HGF: variants seen among roughly 807,000 people sequenced by gnomAD.
HGF encodes the protein hepatocyte growth factor, also known as fibroblast-derived tumor cytotoxic factor.
In HGF, 39 loss-of-function variants were observed where a neutral mutation model predicts 111.6. The observed-to-expected ratio is 0.35, with a 90% CI of 0.27 to 0.46. The LOEUF is 0.46. Among genes scored for constraint, HGF ranks in the 20% least tolerant of loss-of-function variants. HGF has a pLI of 1.00. For missense variants in HGF, 735 were observed against 910.5 expected (o/e 0.81, Z 2.48); for synonymous variants, 285 against 294.8 (o/e 0.97, Z 0.34).
At position 81,702,736 on chromosome 7, in the gene HGF, C is replaced by G. The variant is rs747463316; in HGVS notation, c.2032G>C (p.Val678Leu). The change falls in exon 18 of 18, where the codon GTT (valine) becomes CTT (leucine). Residue 678 changes from valine to leucine, a missense_variant. Physicochemically the swap from Val to Leu is conservative, Grantham distance 32 (BLOSUM62 1). Transcript: ENST00000222390. ...ATTCTCATTTTATGTTGCTCACAAA[C>G]AAGTGGGCCACCATAATCCCCCTAG... The part of the protein sequence containing the change: ...PCEGDYGGPL[V>L]CEQHKMRMVL... The G allele has an allele frequency of 6.2e-7, 1 of 1,611,290 alleles. No individual in the cohort carries two copies. Among genetic ancestry groups the G allele is most frequent in the South Asian group, 1.1e-5 (1 of 91,016 alleles).
chr7:81,762,760 T>G lies in HGF; in HGVS notation c.201A>C (p.Ala67=), dbSNP rs1054292366. The change falls in exon 2 of 18, where the codon GCA becomes GCC. Residue 67 remains alanine (A), a synonymous_variant. Coordinates refer to ENST00000222390, the MANE Select transcript of HGF (RefSeq NM_000601.6). Reference sequence around the variant, plus strand: ...TAGTACATCTATTAGCACATTGGTCTGCAGTATTCACTTTTTTGGTTTTTA... The same window carrying G: ...TAGTACATCTATTAGCACATTGGTCGGCAGTATTCACTTTTTTGGTTTTTA... ...LKIKTKKVNT[A]DQCANRCTRN... The G allele has an allele frequency of 2.5e-6, 4 of 1,612,798 alleles. No individual in the cohort carries two copies. The highest frequency in any genetic ancestry group is 1.3e-5 in the African/African-American group (1 of 75,038).
chr7:81,720,360 C>A (rs1332795450), intron 10 of HGF, among the ~76,000 whole-genome samples: 4 of 152,114 alleles, frequency 2.6e-5, no homozygotes, highest in Non-Finnish European at 2.9e-5. Context: ...CCATAACATG[C>A]AATATTTCAA....
chr7:81,743,650 TATCCC>T (rs767364466), intron 6 of HGF, among the ~76,000 whole-genome samples, 179 bp from the exon 7 acceptor site: 16 of 152,188 alleles, frequency 1.1e-4, no homozygotes, highest in Non-Finnish European at 2.4e-4. Context: ...CTAATTTATA[TATCCC>T]ACTAAGGACA....
At chr7:81,749,412 G>T (rs1788401503) in intron 5 of HGF, among the ~76,000 whole-genome samples, 1 of 152,008 alleles carries the variant, frequency 6.6e-6, no homozygotes, top group African/African-American at 2.4e-5. Flanking sequence ...TTTGAATCAA[G>T]CACTAATTAT....
At chr7:81,715,105 G>A (rs1789674419) in intron 11 of HGF, among the ~76,000 whole-genome samples, 1 of 152,070 alleles carries the variant, frequency 6.6e-6, no homozygotes, top group Non-Finnish European at 1.5e-5. Context: ...AAATCACAGT[G>A]CCTTGAGATA....
chr7:81,726,739 T>G (rs1790022596), intron 8 of HGF, among the ~76,000 whole-genome samples: 1 of 151,968 alleles, frequency 6.6e-6, no homozygotes, highest in Admixed American at 6.6e-5. Context: ...AATTAGAAAT[T>G]TAGAGTTCCT....
intron 7 of HGF, among the ~76,000 whole-genome samples, chr7:81,741,889 G>T (rs1373086356): frequency 8.1e-6 from 1 of 122,800 alleles, no homozygotes; most frequent in Non-Finnish European, 1.6e-5. Flanking sequence ...GGCGAGCTGA[G>T]ATTGTGCCAT....
chr7:81,759,309 G>T (rs993980277), intron 2 of HGF, among the ~76,000 whole-genome samples: 2 of 152,034 alleles, frequency 1.3e-5, no homozygotes, highest in African/African-American at 4.8e-5. Context: ...ATTTTCTAAG[G>T]TGCATTAGAT....
chr7:81,768,462 C>T (rs760138306), intron 1 of HGF, among the ~76,000 whole-genome samples: 1 of 152,036 alleles, frequency 6.6e-6, no homozygotes, highest in Non-Finnish European at 1.5e-5. Flanking sequence ...TCACTGCAAC[C>T]CCCACCTCCC....
intron 7 of HGF, among the ~76,000 whole-genome samples, chr7:81,730,675 GTCTC>G (rs200212362): frequency 5.9e-5 from 9 of 151,574 alleles, no homozygotes; most frequent in African/African-American, 1.9e-4. Context: ...CCACAATTTG[GTCTC>G]TCTCTCTCTC....
At chr7:81,711,382 G>A in intron 12 of HGF, 99 bp downstream of exon 12, 3 of 564,176 alleles carry the variant, frequency 5.3e-6, no homozygotes, top group Non-Finnish European at 9.1e-6. Flanking sequence ...TTTTTATAAT[G>A]GAAGCTAATA....
intron 7 of HGF, chr7:81,743,078 A>T: frequency 1.1e-6 from 1 of 874,280 alleles, no homozygotes; most frequent in South Asian, 1.5e-5. Flanking sequence ...GTGGTTTTTT[A>T]AATTTTCTTG....
At chr7:81,723,030 C>T (rs561014764) in intron 9 of HGF, among the ~76,000 whole-genome samples, 39 of 151,952 alleles carry the variant, frequency 2.6e-4, no homozygotes, top group African/African-American at 8.2e-4. Context: ...TTTACATCAA[C>T]GTTAAGATTT....
At chr7:81,744,169 A>T (rs973960047) in intron 6 of HGF, among the ~76,000 whole-genome samples, 1 of 152,212 alleles carries the variant, frequency 6.6e-6, no homozygotes, top group African/African-American at 2.4e-5. Flanking sequence ...AGCAATTTCC[A>T]AAGAAAGGTG....
rs1381686655 is a variant in HGF at position 81,702,671 on chromosome 7, A to C, written c.2097T>G (p.Ile699Met). Residue 699 changes from isoleucine (I) to methionine (M), a missense_variant, in exon 18 of 18, where the codon ATT (isoleucine) becomes ATG (methionine). By Grantham distance (10) the Ile-to-Met change is conservative. Transcript: ENST00000222390. The part of the protein sequence containing the change: ...GVIVPGRGCA[I>M]PNRPGIFVRV... ...GGACAAAAATACCAGGACGATTTGG[A>C]ATGGCACATCCACGACCAGGAACAA... 6.2e-7 allele frequency: 1 copy of C among 1,611,776 alleles called. No homozygotes were observed. Among genetic ancestry groups the C allele is most frequent in the Admixed American group, 1.7e-5 (1 of 59,776 alleles).
chr7:81,752,079 G>A, intron 5 of HGF, 41 bp downstream of exon 5: 1 of 1,612,222 alleles, frequency 6.2e-7, no homozygotes, highest in Non-Finnish European at 8.5e-7. Flanking sequence ...TCTACACATA[G>A]GGGGAATAGA....
intron 17 of HGF, among the ~76,000 whole-genome samples, chr7:81,705,033 G>A (rs576246992): frequency 2.1e-3 from 315 of 151,924 alleles, no homozygotes; most frequent in Non-Finnish European, 3.7e-3. Flanking sequence ...AGTTCACTTC[G>A]AGATAATTTG....
intron 1 of HGF, 186 bp from the exon 2 acceptor site, chr7:81,763,058 A>G (rs1049618424): frequency 2.6e-5 from 15 of 577,328 alleles, no homozygotes; most frequent in Non-Finnish European, 1.8e-5. Context: ...TATTGTAATC[A>G]AGGAAAAACA....
chr7:81,755,807 T>G, intron 4 of HGF: 1 of 548,272 alleles, frequency 1.8e-6, no homozygotes, highest in Non-Finnish European at 3.2e-6. Flanking sequence ...TCTACATAAT[T>G]GTAAGTAACT....
Sources: allele counts gnomAD v4.1 joint callset (sites outside exome capture counted in the v4.1 genomes callset), GRCh38; gene constraint gnomAD v4.1.1; transcripts MANE v1.5; gene names NCBI Gene and HGNC (gene_info 2026-07-23, HGNC 2026-07-21).